Variants in FAM240B observed in about 807,000 individuals in gnomAD.
FAM240B encodes protein FAM240B.
chr9:38,701,086 C>T (rs1229096887), intron 2 of FAM240B, among the ~76,000 whole-genome samples: 1 of 152,158 alleles, frequency 6.6e-6, no homozygotes, highest in Non-Finnish European at 1.5e-5. Flanking sequence ...TAGAACATTT[C>T]TTGATTGCAT....
chr9:38,697,890 G>A lies in FAM240B; in HGVS notation c.144-3021C>T, dbSNP rs539507751. Reference sequence around the variant, plus strand: ...TTGGCAAACACTATAAATCATACATGACTTGATGTATCATTTTGTTCATTG... The same window carrying A: ...TTGGCAAACACTATAAATCATACATAACTTGATGTATCATTTTGTTCATTG... On this transcript the variant is annotated intron_variant, in intron 2 of 2. Coordinates refer to ENST00000637493, the MANE Select transcript of FAM240B (RefSeq NM_001394922.1). Among the ~76,000 whole-genome samples the A allele has an allele frequency of 1.4e-4, 22 of 152,344 alleles. No homozygotes were observed. The South Asian group carries it at 4.6e-3, about 32-fold the overall frequency.
chr9:38,697,473 C>T (rs1437178146), intron 2 of FAM240B, among the ~76,000 whole-genome samples: 3 of 152,176 alleles, frequency 2.0e-5, no homozygotes, highest in South Asian at 2.1e-4. Context: ...AGGTCAGACC[C>T]GCATCACAGT....
intron 2 of FAM240B, among the ~76,000 whole-genome samples, chr9:38,699,084 T>C (rs896487304): frequency 3.3e-5 from 5 of 152,218 alleles, no homozygotes; most frequent in African/African-American, 1.2e-4. Context: ...ATTTTTACCT[T>C]CAGCCTAGAA....
At chr9:38,715,294 C>T (rs934498702) in intron 1 of FAM240B, among the ~76,000 whole-genome samples, 13 of 152,182 alleles carry the variant, frequency 8.5e-5, no homozygotes, top group Non-Finnish European at 1.8e-4. Context: ...AACTAAGTTT[C>T]TGTTTTCTCA....
intron 1 of FAM240B, among the ~76,000 whole-genome samples, chr9:38,716,606 T>C (rs1045361216): frequency 1.3e-5 from 2 of 152,252 alleles, no homozygotes; most frequent in African/African-American, 4.8e-5. Context: ...ATTACTTCTC[T>C]AGAAAATGTT....
At chr9:38,710,218 T>C (rs1479867390) in intron 1 of FAM240B, among the ~76,000 whole-genome samples, 4 of 152,322 alleles carry the variant, frequency 2.6e-5, no homozygotes, top group Admixed American at 2.6e-4. Context: ...TCCGCCTGCC[T>C]CGGCCTCCCA....
At chr9:38,702,568 G>T (rs1462376923) in intron 2 of FAM240B, among the ~76,000 whole-genome samples, 2 of 152,190 alleles carry the variant, frequency 1.3e-5, no homozygotes, top group East Asian at 3.9e-4. Context: ...TGATCCTTCT[G>T]CTCCAAGGCA....
intron 1 of FAM240B, among the ~76,000 whole-genome samples, chr9:38,718,146 G>A (rs1821330592): frequency 6.6e-6 from 1 of 152,184 alleles, no homozygotes; most frequent in South Asian, 2.1e-4. Context: ...GTAGTAATCT[G>A]TTTATGGATA....
At chr9:38,716,333 ATGGTGCCCCATGCC>A (rs944940807) in intron 1 of FAM240B, among the ~76,000 whole-genome samples, 1 of 152,136 alleles carries the variant, frequency 6.6e-6, no homozygotes, top group African/African-American at 2.4e-5. Flanking sequence ...TTAGCCAGGC[ATGGTGCCCCATGCC>A]TGTAATCCCA....
intron 1 of FAM240B, among the ~76,000 whole-genome samples, chr9:38,716,237 T>G (rs1821301770): frequency 6.6e-6 from 1 of 152,136 alleles, no homozygotes; most frequent in African/African-American, 2.4e-5. Context: ...TTTGGGAGGC[T>G]GAAGCAGGTG....
rs79708464 is a variant in FAM240B, at chr9:38,709,048, C to T, written c.-3-5046G>A. 8.9e-3 allele frequency among the ~76,000 whole-genome samples: 1,347 copies of T among 152,094 alleles called. 27 individuals carry two copies. The highest frequency in any genetic ancestry group is 0.031 in the African/African-American group (1,275 of 41,468). On this transcript the variant is annotated intron_variant, in intron 1 of 2. Transcript: ENST00000637493. The stretch of plus-strand genomic sequence containing the variant: ...GTTATATTTGTGGGCTCTCTGTGGT[C>T]AGGCCCTATAATCACATTTACTGAG...
intron 1 of FAM240B, among the ~76,000 whole-genome samples, chr9:38,710,057 C>A (rs920178087): frequency 6.6e-6 from 1 of 152,148 alleles, no homozygotes; most frequent in African/African-American, 2.4e-5. Flanking sequence ...GCAACCTCCG[C>A]CTCCCGGGTT....
intron 1 of FAM240B, among the ~76,000 whole-genome samples, chr9:38,705,784 G>A (rs1030706623): frequency 2.6e-5 from 4 of 152,186 alleles, no homozygotes; most frequent in African/African-American, 9.7e-5. Context: ...GTAAGAAGAA[G>A]CTTGAAACTG....
At chr9:38,711,433 G>A (rs1208190418) in intron 1 of FAM240B, among the ~76,000 whole-genome samples, 8 of 152,202 alleles carry the variant, frequency 5.3e-5, no homozygotes, top group East Asian at 3.9e-4. Flanking sequence ...ACTGTGGCCC[G>A]TATGCATTTG....
intron 2 of FAM240B, among the ~76,000 whole-genome samples, chr9:38,699,690 C>G (rs1821102412): frequency 6.6e-6 from 1 of 152,146 alleles, no homozygotes; most frequent in Admixed American, 6.5e-5. Context: ...GATGGTGGAT[C>G]CAGAAAGGGA....
intron 1 of FAM240B, among the ~76,000 whole-genome samples, chr9:38,715,112 C>T (rs1028366562): frequency 6.6e-6 from 1 of 152,232 alleles, no homozygotes; most frequent in South Asian, 2.1e-4. Flanking sequence ...ATCTTCCTGA[C>T]ACCATCAGCA....
At chr9:38,718,872 C>G (rs1821339058) in intron 1 of FAM240B, among the ~76,000 whole-genome samples, 1 of 151,862 alleles carries the variant, frequency 6.6e-6, no homozygotes, top group Non-Finnish European at 1.5e-5. Flanking sequence ...TTAATACTAA[C>G]ATACAGTTAT....
chr9:38,700,439 C>A (rs1291346921), intron 2 of FAM240B, among the ~76,000 whole-genome samples: 2 of 152,202 alleles, frequency 1.3e-5, no homozygotes, highest in African/African-American at 4.8e-5. Flanking sequence ...GACCACACTT[C>A]TTGCCCGAAA....
chr9:38,716,734 CT>C (rs1251603295), intron 1 of FAM240B, among the ~76,000 whole-genome samples: 1 of 152,194 alleles, frequency 6.6e-6, no homozygotes, highest in Non-Finnish European at 1.5e-5. Context: ...GCTATTTGGC[CT>C]TCACTAATGA....
Sources: gnomAD v4.1 joint callset for allele counts (sites outside exome capture counted in the v4.1 genomes callset) on GRCh38, gnomAD v4.1.1 for gene constraint, MANE v1.5 for transcripts, NCBI Gene and HGNC (gene_info 2026-07-23, HGNC 2026-07-21) for gene names.